ADARB2: variants seen among roughly 807,000 people sequenced by gnomAD.
The protein encoded by ADARB2 is adenosine deaminase RNA specific B2 (inactive).
Under a neutral mutation model 62.2 loss-of-function variants are expected in ADARB2, and 25 were observed. That is an observed-to-expected ratio of 0.40 (90% CI 0.29 to 0.56). The LOEUF is 0.56. Among genes scored for constraint, ADARB2 ranks in the 20% least tolerant of loss-of-function variants. ADARB2 has a pLI of 0.43. For missense variants in ADARB2, 1,071 were observed against 1,077.4 expected, an observed-to-expected ratio of 0.99 and a Z score of 0.08; for synonymous variants, 572 against 500.8, an observed-to-expected ratio of 1.14 and a Z score of -1.90.
At chr10:1,242,053 G>T (rs1024325073) in intron 5 of ADARB2, 78 bp downstream of exon 5, 16 of 1,459,710 alleles carry the variant, frequency 1.1e-5, no homozygotes, top group Non-Finnish European at 1.5e-5. Flanking sequence ...TCTGAGCCAG[G>T]CATGGGGCCC....
intron 1 of ADARB2, among the ~76,000 whole-genome samples, chr10:1,411,649 T>C (rs1832760711): frequency 6.6e-6 from 1 of 152,150 alleles, no homozygotes; most frequent in African/African-American, 2.4e-5. Context: ...AGTGGACACG[T>C]TGCAGCAACA....
intron 3 of ADARB2, among the ~76,000 whole-genome samples, chr10:1,274,941 C>T (rs989894438): frequency 3.3e-5 from 5 of 152,180 alleles, no homozygotes; most frequent in South Asian, 4.1e-4. Context: ...GGCCGGGACA[C>T]GGGTGAAGGC....
At chr10:1,732,017 T>C (rs1237668309) in intron 1 of ADARB2, among the ~76,000 whole-genome samples, 2 of 152,188 alleles carry the variant, frequency 1.3e-5, no homozygotes, top group African/African-American at 4.8e-5. Flanking sequence ...ATAATATTTT[T>C]AAATGATGAG....
At chr10:1,572,480 A>G (rs1315791822) in intron 1 of ADARB2, among the ~76,000 whole-genome samples, 4 of 152,094 alleles carry the variant, frequency 2.6e-5, no homozygotes, top group Non-Finnish European at 4.4e-5. Flanking sequence ...GTCCATCTGA[A>G]TGACTGTGAG....
chr10:1,300,067 C>T (rs1167981511), intron 3 of ADARB2, among the ~76,000 whole-genome samples: 1 of 152,218 alleles, frequency 6.6e-6, no homozygotes, highest in Non-Finnish European at 1.5e-5. Context: ...CTTGTCTCAT[C>T]TCGCAGGGAT....
At chr10:1,710,529 G>A (rs1450844750) in intron 1 of ADARB2, among the ~76,000 whole-genome samples, 4 of 152,224 alleles carry the variant, frequency 2.6e-5, no homozygotes, top group African/African-American at 9.6e-5. Flanking sequence ...CTGCACTTGG[G>A]TGCTGGGGGC....
chr10:1,573,153 A>T (rs923407150), intron 1 of ADARB2, among the ~76,000 whole-genome samples: 1 of 152,178 alleles, frequency 6.6e-6, no homozygotes, highest in Admixed American at 6.5e-5. Flanking sequence ...GTTTGTTTGG[A>T]GGCAGACAGT....
At chr10:1,425,720 C>T (rs1157860117) in intron 1 of ADARB2, among the ~76,000 whole-genome samples, 2 of 152,354 alleles carry the variant, frequency 1.3e-5, no homozygotes, top group South Asian at 4.1e-4. Flanking sequence ...TCAGTCCTTG[C>T]CTTTCTCTGA....
intron 4 of ADARB2, among the ~76,000 whole-genome samples, chr10:1,269,010 AC>A (rs1831234004): frequency 6.6e-6 from 1 of 152,190 alleles, no homozygotes; most frequent in Non-Finnish European, 1.5e-5. Flanking sequence ...GAGAAATGCT[AC>A]AAACTTACTT....
chr10:1,457,443 G>A (rs1831108665), intron 1 of ADARB2, among the ~76,000 whole-genome samples: 3 of 152,156 alleles, frequency 2.0e-5, no homozygotes, highest in South Asian at 2.1e-4. Context: ...AGCTGTGGGT[G>A]GAAGGTGCAC....
chr10:1,520,400 CT>C (rs1832059099), intron 1 of ADARB2, among the ~76,000 whole-genome samples: 1 of 152,132 alleles, frequency 6.6e-6, no homozygotes, highest in Admixed American at 6.5e-5. Flanking sequence ...TGACTTTTCA[CT>C]TTCATTTTTA....
chr10:1,632,329 G>A (rs911700746), intron 1 of ADARB2, among the ~76,000 whole-genome samples: 4 of 151,628 alleles, frequency 2.6e-5, no homozygotes, highest in Admixed American at 6.6e-5. Flanking sequence ...CAATACTCAC[G>A]TGCACACACA....
intron 1 of ADARB2, among the ~76,000 whole-genome samples, chr10:1,602,939 C>G (rs371363895): frequency 6.7e-6 from 1 of 149,002 alleles, no homozygotes; most frequent in African/African-American, 2.4e-5. Context: ...GCACATCATG[C>G]GCACACCTGT....
intron 1 of ADARB2, among the ~76,000 whole-genome samples, chr10:1,605,024 C>G (rs1196096572): frequency 2.0e-5 from 3 of 152,192 alleles, no homozygotes; most frequent in African/African-American, 7.2e-5. Flanking sequence ...TTTGTAACAG[C>G]AGAATAAACC....
At chr10:1,291,043 TA>T (rs1298645666) in intron 3 of ADARB2, 5 of 152,196 alleles carry the variant, frequency 3.3e-5, no homozygotes, top group South Asian at 2.1e-4. Flanking sequence ...TTTAAAAAGA[TA>T]AAAACCAGAA....
chr10:1,616,932 C>T (rs1833643885), intron 1 of ADARB2, among the ~76,000 whole-genome samples: 3 of 151,518 alleles, frequency 2.0e-5, no homozygotes, highest in African/African-American at 7.3e-5. Context: ...TCCAGACACA[C>T]TCCGCACCAC....
chr10:1,712,492 G>A (rs1418233000), intron 1 of ADARB2, among the ~76,000 whole-genome samples: 1 of 152,094 alleles, frequency 6.6e-6, no homozygotes, highest in South Asian at 2.1e-4. Context: ...CAGGGGGCAG[G>A]CACACTGTGT....
intron 1 of ADARB2, among the ~76,000 whole-genome samples, chr10:1,389,498 A>C (rs1832550739): frequency 6.6e-6 from 1 of 152,214 alleles, no homozygotes. Context: ...TTCACTGTGG[A>C]AGACACTACA....
intron 1 of ADARB2, among the ~76,000 whole-genome samples, chr10:1,724,529 C>T (rs567022206): frequency 2.4e-4 from 37 of 152,316 alleles, no homozygotes; most frequent in Non-Finnish European, 4.6e-4. Flanking sequence ...CTTGTGTGCG[C>T]AGCAGCAGGA....
Sources: allele counts gnomAD v4.1 joint callset (sites outside exome capture counted in the v4.1 genomes callset), GRCh38; gene constraint gnomAD v4.1.1; transcripts MANE v1.5; gene names NCBI Gene and HGNC (gene_info 2026-07-23, HGNC 2026-07-21).